Variants in XIRP2 observed in about 807,000 individuals in gnomAD.
XIRP2 encodes xin actin-binding repeat-containing protein 2.
A neutral mutation model predicts 277.0 loss-of-function variants in XIRP2; 236 were observed. The observed-to-expected ratio is 0.85, with a 90% CI of 0.77 to 0.95. The LOEUF (loss-of-function observed/expected upper bound fraction) is 0.95. Ranked by LOEUF, XIRP2 falls within the 40% of genes least tolerant of loss-of-function variation. The pLI, the probability that XIRP2 is intolerant of heterozygous loss-of-function variation, is 0.00. For synonymous variants in XIRP2, 1,490 were observed against 1,416.5 expected (o/e 1.05, Z -1.17); for missense variants, 4,640 against 4,157.5 (o/e 1.12, Z -3.19).
chr2:167,104,702 C>T lies in XIRP2; in HGVS notation c.409-31207C>T, dbSNP rs553924578. On this transcript the variant is annotated intron_variant, in intron 2 of 10. Transcript: ENST00000409195. ...CTGTTGCTTATTTTATTTCTTCCCACATGAAATAGTTGTGTTTGATCTTTT... is the reference window on the plus strand; with the variant it reads ...CTGTTGCTTATTTTATTTCTTCCCATATGAAATAGTTGTGTTTGATCTTTT... Among the ~76,000 whole-genome samples the T allele has an allele frequency of 2.0e-5, 3 of 152,166 alleles. No homozygotes were observed. The East Asian group carries it at 5.8e-4, about 29-fold the overall frequency.
chr2:166,955,409 G>T (rs1162497398), intron 2 of XIRP2, among the ~76,000 whole-genome samples: 1 of 151,746 alleles, frequency 6.6e-6, no homozygotes, highest in Non-Finnish European at 1.5e-5. Flanking sequence ...TAGGGAAGAG[G>T]TTGTGAGTAT....
chr2:167,182,711 A>G (rs1275995245), intron 3 of XIRP2, among the ~76,000 whole-genome samples: 1 of 152,190 alleles, frequency 6.6e-6, no homozygotes, highest in African/African-American at 2.4e-5. Flanking sequence ...AAACACTAAT[A>G]TCTTGGGGTT....
At chr2:166,901,303 C>T (rs1204307147) in intron 1 of XIRP2, among the ~76,000 whole-genome samples, 1 of 151,998 alleles carries the variant, frequency 6.6e-6, no homozygotes, top group Non-Finnish European at 1.5e-5. Context: ...TCCTCAGGTC[C>T]CAAGGTTCCT....
intron 2 of XIRP2, among the ~76,000 whole-genome samples, chr2:167,018,484 A>G (rs533731775): frequency 6.6e-6 from 1 of 152,036 alleles, no homozygotes; most frequent in African/African-American, 2.4e-5. Context: ...CCATGATAAG[A>G]AACCTGACAT....
At position 167,090,089 on chromosome 2, in the gene XIRP2, G is replaced by A. The variant is rs115031861; in HGVS notation, c.409-45820G>A. Among the ~76,000 whole-genome samples the A allele has an allele frequency of 5.5e-3, 843 of 152,060 alleles. 10 individuals carry two copies. The highest frequency in any genetic ancestry group is 0.019 in the African/African-American group (806 of 41,448). ...TGAAGAGGGAAAATTATTTCTTATTGCTGTAATTAAAATAATTGTGTCTTT... is the reference window on the plus strand; with the variant it reads ...TGAAGAGGGAAAATTATTTCTTATTACTGTAATTAAAATAATTGTGTCTTT... On this transcript the variant is annotated intron_variant, in intron 2 of 10. Transcript: ENST00000409195.
intron 2 of XIRP2, among the ~76,000 whole-genome samples, chr2:166,910,981 G>T (rs12621876): frequency 0.31 from 47,348 of 151,956 alleles, 7,891 homozygotes; most frequent in East Asian, 0.59. Flanking sequence ...TGAGAGACAG[G>T]TGGTTATAAT....
At chr2:167,215,899 G>A (rs1694235142) in intron 4 of XIRP2, among the ~76,000 whole-genome samples, 2 of 152,176 alleles carry the variant, frequency 1.3e-5, no homozygotes, top group Admixed American at 1.3e-4. Context: ...CTACTCAGGT[G>A]CTTTTCAAAT....
rs550510630 is a variant in XIRP2 at position 167,084,335 on chromosome 2, C to T, written c.409-51574C>T. Among the ~76,000 whole-genome samples the T allele has an allele frequency of 1.4e-3, 211 of 152,156 alleles. 2 individuals carry two copies. The highest frequency in any genetic ancestry group is 4.4e-3 in the African/African-American group (183 of 41,506). On this transcript the variant is annotated intron_variant, in intron 2 of 10. Transcript: ENST00000409195. ...AAGTTTTTTGATGTGCTGCTGGATT[C>T]GTTTTGCCAGTATTTTATTGAGGAT...
intron 2 of XIRP2, among the ~76,000 whole-genome samples, chr2:166,930,062 T>C (rs1685288709): frequency 6.6e-6 from 1 of 152,162 alleles, no homozygotes; most frequent in South Asian, 2.1e-4. Context: ...CAAATTCTTT[T>C]GAGTATAGTT....
intron 3 of XIRP2, among the ~76,000 whole-genome samples, chr2:167,172,703 A>G (rs1245986022): frequency 6.6e-6 from 1 of 152,202 alleles, no homozygotes; most frequent in African/African-American, 2.4e-5. Context: ...CCTAATGGTC[A>G]TTTCCCTTAT....
At chr2:167,013,046 T>A (rs546154883) in intron 2 of XIRP2, among the ~76,000 whole-genome samples, 28 of 151,544 alleles carry the variant, frequency 1.8e-4, no homozygotes, top group Admixed American at 1.1e-3. Flanking sequence ...ATCCTCCTTT[T>A]GCATTGAATC....
At chr2:167,092,055 A>G (rs1027302305) in intron 2 of XIRP2, among the ~76,000 whole-genome samples, 3 of 152,152 alleles carry the variant, frequency 2.0e-5, no homozygotes, top group Non-Finnish European at 4.4e-5. Flanking sequence ...CACAACTTTT[A>G]AAACTTTCTA....
rs1470902052 is a variant in XIRP2 at position 167,248,765 on chromosome 2, C to G, written c.7373C>G (p.Thr2458Ser). The G allele has an allele frequency of 6.2e-7, 1 of 1,613,654 alleles. No individual in the cohort carries two copies. The highest frequency in any genetic ancestry group is 1.7e-4 in the Middle Eastern group (1 of 6,056). ...CTGTCAGATATGGAATGTAAAATTACTACCTCAAAGGATCAGAAAAAAGTA... is the reference window on the plus strand; with the variant it reads ...CTGTCAGATATGGAATGTAAAATTAGTACCTCAAAGGATCAGAAAAAAGTA... The part of the protein sequence containing the change: ...TSLSDMECKI[T>S]TSKDQKKVMV... Residue 2458 changes from threonine (T) to serine (S), a missense_variant, in exon 9 of 11, where the codon ACT becomes AGT. Thr to Ser is a moderately conservative substitution (Grantham distance 58, BLOSUM62 1). Transcript: ENST00000409195.
At chr2:167,156,724 G>A (rs1249050468) in intron 3 of XIRP2, among the ~76,000 whole-genome samples, 2 of 152,156 alleles carry the variant, frequency 1.3e-5, no homozygotes, top group Non-Finnish European at 2.9e-5. Context: ...ATCAAATACA[G>A]TTTGCCATAT....
chr2:167,018,172 C>T (rs1687882574), intron 2 of XIRP2, among the ~76,000 whole-genome samples: 1 of 151,900 alleles, frequency 6.6e-6, no homozygotes. Flanking sequence ...GCATTGTTGC[C>T]CCTGTATTTT....
intron 2 of XIRP2, among the ~76,000 whole-genome samples, chr2:166,910,957 A>C (rs183326064): frequency 4.6e-5 from 7 of 152,254 alleles, no homozygotes; most frequent in African/African-American, 1.2e-4. Context: ...CTCTAGTTTG[A>C]TTGCACTGTG....
Position 166,892,380 on chromosome 2 carries a change from T to G in XIRP2, c.-19+3823T>G, listed in dbSNP as rs151149057. Among the ~76,000 whole-genome samples the G allele has an allele frequency of 2.4e-4, 36 of 152,204 alleles. No individual in the cohort carries two copies. In the East Asian group the frequency reaches 6.8e-3, roughly 29 times the overall value. On this transcript the variant is annotated intron_variant, in intron 1 of 10. Transcript: ENST00000409195. Reference sequence around the variant, plus strand: ...TGTTGGGAAACAGAGCAGGTAGAAATCACAGAAACAATGGGAATGAAAAGA... The same window carrying G: ...TGTTGGGAAACAGAGCAGGTAGAAAGCACAGAAACAATGGGAATGAAAAGA...
chr2:167,020,103 A>G (rs1233748201), intron 2 of XIRP2, among the ~76,000 whole-genome samples: 1 of 152,052 alleles, frequency 6.6e-6, no homozygotes, highest in African/African-American at 2.4e-5. Context: ...TCTAAATTAG[A>G]ACATTTGTTT....
At chr2:167,128,002 G>A (rs901884012) in intron 2 of XIRP2, among the ~76,000 whole-genome samples, 7 of 152,166 alleles carry the variant, frequency 4.6e-5, no homozygotes, top group Admixed American at 6.5e-5. Flanking sequence ...TGGTCAGTCC[G>A]GAAGGAAGCC....
Sources: allele counts gnomAD v4.1 joint callset (sites outside exome capture counted in the v4.1 genomes callset), GRCh38; gene constraint gnomAD v4.1.1; transcripts MANE v1.5; gene names NCBI Gene and HGNC (gene_info 2026-07-23, HGNC 2026-07-21).